Variants in CHD7 observed in about 807,000 individuals in gnomAD.
CHD7 encodes the protein chromodomain helicase DNA binding protein 7.
In CHD7, 24 loss-of-function variants were observed where a neutral mutation model predicts 307.3. The ratio of observed to expected loss-of-function variants is 0.08; its 90% CI spans 0.06 to 0.11. CHD7 has a LOEUF of 0.11. Ranked by LOEUF, CHD7 falls within the 10% of genes least tolerant of loss-of-function variation. The pLI, the probability that CHD7 is intolerant of heterozygous loss-of-function variation, is 1.00. For missense variants in CHD7, 3,106 were observed against 3,727.1 expected (o/e 0.83, Z 4.34); for synonymous variants, 1,363 against 1,349.9 (o/e 1.01, Z -0.21).
At position 60,742,018 on chromosome 8, in the gene CHD7, G is replaced by A. The variant is rs1809056590; in HGVS notation, c.586G>A (p.Gly196Arg). The change falls in exon 2 of 38, where the codon GGG becomes AGG. Residue 196 changes from glycine to arginine, a missense_variant. By Grantham distance (125) the Gly-to-Arg change is moderately radical (BLOSUM62 -2). Around this residue, in one of 10 missense-constraint regions of CHD7, gnomAD observed 998 missense variants for 1,004.5 expected, o/e 0.99. Transcript: ENST00000423902. ...GCAGATGGGCAGCTATATGGCACGT[G>A]GGGATTTTTCCATGCAGCAGCATGG... ...MQQMGSYMAR[G>R]DFSMQQHGQP... The A allele has an allele frequency of 4.3e-6, 7 of 1,613,772 alleles. No individual in the cohort carries two copies. Among genetic ancestry groups the A allele is most frequent in the Non-Finnish European group, 5.9e-6 (7 of 1,179,874 alleles).
Position 60,739,372 on chromosome 8 carries a change from G to C in CHD7, c.-174-1887G>C, listed in dbSNP as rs1171203314. Among the ~76,000 whole-genome samples, 4 of 152,218 alleles carry C rather than the reference G, an allele frequency of 2.6e-5. No homozygotes were observed. The East Asian group carries it at 5.8e-4, about 22-fold the overall frequency. On this transcript the variant is annotated intron_variant, in intron 1 of 37. Transcript: ENST00000423902. ...AAGTTAGAATGAGCCTTGAATAAAT[G>C]ATGACTGACTGCTTAGCCTTCTTAG...
At position 60,842,052 on chromosome 8, in the gene CHD7, G is replaced by T; in HGVS notation, c.4850G>T (p.Gly1617Val). Residue 1617 changes from glycine to valine, a missense_variant and splice_region_variant, in exon 21 of 38, where the codon GGT (glycine) becomes GTT (valine). Coordinates refer to ENST00000423902, the MANE Select transcript of CHD7 (RefSeq NM_017780.4). ...FRVEKNLLVY[G>V]WGRWTDILSH... Reference sequence around the variant, plus strand: ...GTGGAGAAGAATCTGCTTGTCTATGGGTAAGTAGGACTCACTACGTAAGAT... The same window carrying T: ...GTGGAGAAGAATCTGCTTGTCTATGTGTAAGTAGGACTCACTACGTAAGAT... 6.2e-7 allele frequency: 1 copy of T among 1,610,400 alleles called. No homozygotes were observed. Among genetic ancestry groups the T allele is most frequent in the South Asian group, 1.1e-5 (1 of 90,794 alleles).
intron 2 of CHD7, among the ~76,000 whole-genome samples, chr8:60,751,057 A>G (rs936280481): frequency 6.6e-6 from 1 of 152,216 alleles, no homozygotes; most frequent in Non-Finnish European, 1.5e-5. Flanking sequence ...TTTGAGTTTC[A>G]AAGAAGGCTA....
At chr8:60,740,438 G>T (rs561454289) in intron 1 of CHD7, among the ~76,000 whole-genome samples, 1 of 152,358 alleles carries the variant, frequency 6.6e-6, no homozygotes, top group South Asian at 2.1e-4. Context: ...CAGCATGCCT[G>T]CGGGTGAATA....
chr8:60,848,377 C>CA (rs1196280357), intron 23 of CHD7, 138 bp from the exon 24 acceptor site: 5 of 612,274 alleles, frequency 8.2e-6, no homozygotes, highest in African/African-American at 7.4e-5. Context: ...CACCATCTGT[C>CA]ACGCTTCAAG....
At chr8:60,835,330 T>C (rs1804692617) in intron 15 of CHD7, among the ~76,000 whole-genome samples, 1 of 152,210 alleles carries the variant, frequency 6.6e-6, no homozygotes, top group Middle Eastern at 3.2e-3. Context: ...CAAAAATCCA[T>C]GTGGGGGAAA....
chr8:60,700,912 G>A (rs945688167), intron 1 of CHD7, among the ~76,000 whole-genome samples: 2 of 152,200 alleles, frequency 1.3e-5, no homozygotes, highest in Non-Finnish European at 2.9e-5. Context: ...CTCAGAGCAC[G>A]GTGCTTCTCA....
At chr8:60,725,140 T>G (rs1808102854) in intron 1 of CHD7, among the ~76,000 whole-genome samples, 1 of 152,198 alleles carries the variant, frequency 6.6e-6, no homozygotes, top group Admixed American at 6.5e-5. Context: ...GCCCAGGGCC[T>G]CTCAGAGCCA....
chr8:60,820,809 C>A (rs1297509730), intron 9 of CHD7, among the ~76,000 whole-genome samples: 1 of 152,152 alleles, frequency 6.6e-6, no homozygotes, highest in Non-Finnish European at 1.5e-5. Context: ...TCATGACACT[C>A]TATGATGTTT....
At position 60,852,564 on chromosome 8, in the gene CHD7, T is replaced by C. The variant is rs1460326156; in HGVS notation, c.5961T>C (p.Pro1987=). Residue 1987 remains proline (P), a synonymous_variant, in exon 30 of 38, where the codon CCT becomes CCC. Coordinates refer to ENST00000423902, the MANE Select transcript of CHD7 (RefSeq NM_017780.4). ...CCACCTTTGGGGTTATTTTTGACCC[T>C]GTGAAACAGCAATTTGACTGGAACC... ...VVSTFGVIFD[P]VKQQFDWNQF... The C allele has an allele frequency of 6.2e-7, 1 of 1,613,830 alleles. No individual in the cohort carries two copies. Among genetic ancestry groups the C allele is most frequent in the Non-Finnish European group, 8.5e-7 (1 of 1,179,852 alleles).
In CHD7 at chr8:60,856,579, C is replaced by T; in HGVS notation, c.7299C>T (p.Val2433=). Residue 2433 remains valine (V), a synonymous_variant, in exon 34 of 38, where the codon GTC becomes GTT. Transcript: ENST00000423902. ...CCCAGCTTCGAGAGTCTCAGGTGGT[C>T]TCAGAAAATGGACAAGAAAAAGTTG... ...MVAQLRESQV[V]SENGQEKVVD... is the part of the protein sequence containing the mutation. 1 of 1,614,012 alleles carries T rather than the reference C, an allele frequency of 6.2e-7. No individual in the cohort carries two copies. The highest frequency in any genetic ancestry group is 1.1e-5 in the South Asian group (1 of 91,076).
Position 60,836,058 on chromosome 8 carries a change from G to C in CHD7, c.3779-15G>C. ...CCTTTTACAGTATTCACGTTATGCT[G>C]TCCAATCTCTGCAGGTGCTGAAGAG... On this transcript the variant is annotated splice_polypyrimidine_tract_variant and intron_variant, in intron 15 of 37. Coordinates refer to ENST00000423902, the MANE Select transcript of CHD7 (RefSeq NM_017780.4). The C allele has an allele frequency of 1.9e-6, 3 of 1,587,414 alleles. No homozygotes were observed. The highest frequency in any genetic ancestry group is 2.6e-6 in the Non-Finnish European group (3 of 1,161,066).
chr8:60,694,000 G>A (rs974737487), intron 1 of CHD7, among the ~76,000 whole-genome samples: 1 of 152,236 alleles, frequency 6.6e-6, no homozygotes, highest in Non-Finnish European at 1.5e-5. Context: ...GGTCTATCCA[G>A]ACTCATAAGC....
rs767326758 is a variant in CHD7, at chr8:60,852,088, G to A, written c.5735G>A (p.Arg1912His). 9.3e-6 allele frequency: 15 copies of A among 1,613,784 alleles called. No homozygotes were observed. The Admixed American group carries it at 1.2e-4, about 13-fold the overall frequency. Residue 1912 changes from arginine (R) to histidine (H), a missense_variant, in exon 29 of 38, where the codon CGT (arginine) becomes CAT (histidine). Arg to His is a conservative substitution (Grantham distance 29). Coordinates refer to ENST00000423902, the MANE Select transcript of CHD7 (RefSeq NM_017780.4). ...YWPNTSTLTT[R>H]LRRLITAYQR... ...CCTAACACTTCAACCCTGACTACACGTCTGCGCCGGCTCATTACTGCCTAT... is the reference window on the plus strand; with the variant it reads ...CCTAACACTTCAACCCTGACTACACATCTGCGCCGGCTCATTACTGCCTAT...
Position 60,850,477 on chromosome 8 carries a change from G to A in CHD7, c.5405-16G>A. The A allele has an allele frequency of 6.3e-7, 1 of 1,597,542 alleles. No individual in the cohort carries two copies. The highest frequency in any genetic ancestry group is 1.1e-5 in the South Asian group (1 of 90,558). On this transcript the variant is annotated splice_polypyrimidine_tract_variant and intron_variant, in intron 25 of 37. Transcript: ENST00000423902. ...TGTTTCTGTGTGTTTTCTGTGCACG[G>A]ATGGGCACGGCACAGGCTATGAGAA...
chr8:60,763,174 A>G (rs1042550208), intron 2 of CHD7, among the ~76,000 whole-genome samples: 8 of 152,356 alleles, frequency 5.3e-5, no homozygotes, highest in South Asian at 2.1e-4. Flanking sequence ...TAACTGTGAT[A>G]TATTTCATTT....
intron 1 of CHD7, among the ~76,000 whole-genome samples, chr8:60,718,492 A>T (rs1331121289): frequency 3.3e-5 from 5 of 152,046 alleles, no homozygotes; most frequent in Admixed American, 2.6e-4. Context: ...AAAAAAAAAG[A>T]AAGTTTGAAA....
intron 26 of CHD7, 118 bp downstream of exon 26, chr8:60,850,740 T>C (rs946668416): frequency 1.1e-5 from 11 of 1,019,116 alleles, no homozygotes; most frequent in Non-Finnish European, 1.6e-5. Context: ...GTTCAGGAGA[T>C]GTTTACCAGT....
chr8:60,718,348 G>A (rs1807719407), intron 1 of CHD7, among the ~76,000 whole-genome samples: 1 of 152,096 alleles, frequency 6.6e-6, no homozygotes. Context: ...TGTGGTGGCA[G>A]GCGCTAATCT....
Sources: allele counts gnomAD v4.1 joint callset (sites outside exome capture counted in the v4.1 genomes callset), GRCh38; gene constraint gnomAD v4.1.1; regional missense constraint gnomAD v4.1.1; transcripts MANE v1.5; gene names NCBI Gene and HGNC (gene_info 2026-07-23, HGNC 2026-07-21).